RBFOX1: variants seen among roughly 807,000 people sequenced by gnomAD.
RBFOX1 encodes the protein RNA binding protein fox-1 homolog 1.
In RBFOX1, 8 loss-of-function variants were observed where a neutral mutation model predicts 57.7. The observed-to-expected ratio is 0.14, with a 90% CI of 0.08 to 0.25. RBFOX1 has a LOEUF of 0.25. RBFOX1 is among the 10% of genes least tolerant of loss of function. The pLI, the probability that RBFOX1 is intolerant of heterozygous loss-of-function variation, is 1.00. For missense variants in RBFOX1, 611 were observed against 548.5 expected (o/e 1.11, Z -1.14); for synonymous variants, 326 against 222.4 (o/e 1.47, Z -4.15).
intron 4 of RBFOX1, among the ~76,000 whole-genome samples, chr16:7,325,642 G>A (rs958556336): frequency 1.6e-4 from 24 of 152,114 alleles, no homozygotes; most frequent in Non-Finnish European, 3.1e-4. Context: ...ATTTCCAATG[G>A]GGGTGGTTGT....
At chr16:6,591,233 G>A (rs1294937620) in intron 2 of RBFOX1, among the ~76,000 whole-genome samples, 1 of 152,124 alleles carries the variant, frequency 6.6e-6, no homozygotes, top group Admixed American at 6.6e-5. Flanking sequence ...ATCACTTGAG[G>A]CCAGGAGTTC....
In RBFOX1 at chr16:5,713,938, T is replaced by C. The variant is rs371935117; in HGVS notation, c.318+114977T>C. Among the ~76,000 whole-genome samples the C allele has an allele frequency of 7.2e-5, 11 of 152,274 alleles. No homozygotes were observed. The East Asian group carries it at 1.2e-3, about 16-fold the overall frequency. On this transcript the variant is annotated intron_variant, in intron 3 of 19. Transcript: ENST00000641259. ...TCCAGTGACCTCTTTCTGGGAGACG[T>C]GGGAGATGTTCTAACAGAGCTCAAA...
chr16:6,556,346 C>T (rs998359142), intron 2 of RBFOX1, among the ~76,000 whole-genome samples: 1 of 152,088 alleles, frequency 6.6e-6, no homozygotes, highest in Admixed American at 6.6e-5. Context: ...TTGGAATTAC[C>T]AGATGTTGTT....
At chr16:5,373,021 T>A (rs1456626678) in intron 1 of RBFOX1, among the ~76,000 whole-genome samples, 1 of 152,228 alleles carries the variant, frequency 6.6e-6, no homozygotes, top group African/African-American at 2.4e-5. Flanking sequence ...TTTCAGAATT[T>A]AAAGAAATAG....
chr16:6,881,140 C>G (rs1207568191), intron 3 of RBFOX1, among the ~76,000 whole-genome samples: 1 of 152,142 alleles, frequency 6.6e-6, no homozygotes, highest in African/African-American at 2.4e-5. Context: ...CAGGCAGTGA[C>G]TATAGATGAT....
chr16:6,793,551 A>G (rs955611134), intron 3 of RBFOX1, among the ~76,000 whole-genome samples: 3 of 152,104 alleles, frequency 2.0e-5, no homozygotes, highest in Admixed American at 1.3e-4. Context: ...TGACCTGCCT[A>G]CATTTCAATT....
rs1194936965 is a variant in RBFOX1, at chr16:6,006,570, G to C, written c.351+139235G>C. Among the ~76,000 whole-genome samples the C allele has an allele frequency of 2.0e-5, 3 of 152,190 alleles. No individual in the cohort carries two copies. The South Asian group carries it at 6.2e-4, about 32-fold the overall frequency. ...CTCACTGATGAAGCATTTGGCTCCA[G>C]CATTGCCTAAAGCCAGTTTTCCTTA... On this transcript the variant is annotated intron_variant, in intron 4 of 19. Transcript: ENST00000641259.
At chr16:5,312,254 G>T (rs747701821) in intron 1 of RBFOX1, among the ~76,000 whole-genome samples, 1 of 152,218 alleles carries the variant, frequency 6.6e-6, no homozygotes, top group Non-Finnish European at 1.5e-5. Flanking sequence ...ATGTAGGGAG[G>T]TATCCTCCAG....
intron 3 of RBFOX1, among the ~76,000 whole-genome samples, chr16:6,987,521 C>A (rs1163034962): frequency 2.0e-5 from 3 of 151,204 alleles, no homozygotes; most frequent in Non-Finnish European, 4.4e-5. Flanking sequence ...ATGCCCCACA[C>A]ATTGCAAACA....
At chr16:6,507,080 C>G (rs376569171) in intron 2 of RBFOX1, among the ~76,000 whole-genome samples, 1 of 152,126 alleles carries the variant, frequency 6.6e-6, no homozygotes, top group South Asian at 2.1e-4. Flanking sequence ...AATCCTACCT[C>G]CAAGGTACAT....
intron 4 of RBFOX1, among the ~76,000 whole-genome samples, chr16:7,312,294 C>G (rs1169174413): frequency 6.6e-6 from 1 of 152,184 alleles, no homozygotes; most frequent in African/African-American, 2.4e-5. Context: ...GCAGGAGAAT[C>G]ACTTGAACCC....
chr16:5,294,780 C>T (rs570941656), intron 1 of RBFOX1, among the ~76,000 whole-genome samples: 6 of 152,058 alleles, frequency 3.9e-5, no homozygotes, highest in South Asian at 4.2e-4. Context: ...CCTGTAATCC[C>T]AGCACTTTGG....
At chr16:6,108,398 T>G (rs182762325) in intron 1 of RBFOX1, among the ~76,000 whole-genome samples, 15 of 152,272 alleles carry the variant, frequency 9.9e-5, no homozygotes, top group African/African-American at 3.6e-4. Context: ...GGTTGTGATA[T>G]GAGGGTGAAA....
intron 3 of RBFOX1, among the ~76,000 whole-genome samples, chr16:6,880,038 C>T (rs905667867): frequency 2.0e-5 from 3 of 152,184 alleles, no homozygotes; most frequent in Non-Finnish European, 4.4e-5. Flanking sequence ...TTTCCTCCAT[C>T]CATGCAAGTA....
chr16:5,644,060 G>A (rs2048969058), intron 3 of RBFOX1, among the ~76,000 whole-genome samples: 1 of 152,172 alleles, frequency 6.6e-6, no homozygotes, highest in African/African-American at 2.4e-5. Context: ...TTCGAAGCTA[G>A]TAATTTTCAT....
intron 3 of RBFOX1, among the ~76,000 whole-genome samples, chr16:6,808,021 T>G (rs187218502): frequency 1.3e-5 from 2 of 150,604 alleles, no homozygotes; most frequent in East Asian, 3.9e-4. Flanking sequence ...AATATGCAAA[T>G]TATACCTTGT....
intron 2 of RBFOX1, among the ~76,000 whole-genome samples, chr16:6,370,220 G>T (rs1052766977): frequency 3.4e-4 from 52 of 151,696 alleles, no homozygotes; most frequent in Non-Finnish European, 6.9e-4. Flanking sequence ...TAGCTGGGCG[G>T]GGTGGCGGGC....
chr16:6,151,221 G>A (rs1347041661), intron 1 of RBFOX1, among the ~76,000 whole-genome samples: 1 of 152,174 alleles, frequency 6.6e-6, no homozygotes. Flanking sequence ...TTTGTGGCCA[G>A]GCTTAAGGAA....
intron 3 of RBFOX1, among the ~76,000 whole-genome samples, chr16:6,918,308 T>C (rs1241489934): frequency 2.4e-4 from 37 of 151,092 alleles, no homozygotes; most frequent in Non-Finnish European, 1.5e-5. Flanking sequence ...GAAACACACA[T>C]TTGGGGACTC....
Sources: allele counts gnomAD v4.1 joint callset (sites outside exome capture counted in the v4.1 genomes callset), GRCh38; gene constraint gnomAD v4.1.1; transcripts MANE v1.5; gene names NCBI Gene and HGNC (gene_info 2026-07-23, HGNC 2026-07-21).